Variants in CALN1 observed in about 807,000 individuals in gnomAD.
CALN1 encodes calneuron 1.
Under a neutral mutation model 30.6 loss-of-function variants are expected in CALN1, and 17 were observed. The observed-to-expected ratio is 0.56, with a 90% CI of 0.38 to 0.83. CALN1 has a LOEUF of 0.83. Ranked by LOEUF, CALN1 falls within the 40% of genes least tolerant of loss-of-function variation. The probability of loss-of-function intolerance (pLI) is 0.00; values close to 1 mark genes in which losing one functional copy is unlikely to be tolerated. For missense variants in CALN1, 291 were observed against 354.9 expected (o/e 0.82, Z 1.45); for synonymous variants, 156 against 131.4 (o/e 1.19, Z -1.28).
chr7:71,903,808 G>A (rs1793987810), intron 5 of CALN1, among the ~76,000 whole-genome samples: 1 of 152,112 alleles, frequency 6.6e-6, no homozygotes, highest in African/African-American at 2.4e-5. Flanking sequence ...CATCTGATAA[G>A]GGGTTAATAT....
chr7:72,376,872 A>C (rs1287758354), intron 2 of CALN1, among the ~76,000 whole-genome samples: 1 of 152,220 alleles, frequency 6.6e-6, no homozygotes, highest in African/African-American at 2.4e-5. Flanking sequence ...TATGTTATGA[A>C]GTAGGTATCC....
intron 5 of CALN1, among the ~76,000 whole-genome samples, chr7:71,904,798 T>C (rs140872016): frequency 1.3e-5 from 2 of 152,354 alleles, no homozygotes; most frequent in African/African-American, 4.8e-5. Context: ...ATGTTGCACA[T>C]GGTAAATACA....
chr7:72,073,711 C>A (rs558203141), intron 4 of CALN1, among the ~76,000 whole-genome samples: 50 of 146,758 alleles, frequency 3.4e-4, no homozygotes, highest in African/African-American at 1.2e-3. Context: ...CCTTCCTTTT[C>A]GGGACAGGAT....
intron 2 of CALN1, among the ~76,000 whole-genome samples, chr7:72,383,308 T>C (rs1008459236): frequency 3.9e-5 from 6 of 152,234 alleles, no homozygotes; most frequent in Non-Finnish European, 7.3e-5. Context: ...GAAAGGACAC[T>C]TCTGCTTTTA....
At chr7:72,426,142 C>T (rs943238936) in intron 1 of CALN1, among the ~76,000 whole-genome samples, 2 of 152,208 alleles carry the variant, frequency 1.3e-5, no homozygotes, top group African/African-American at 2.4e-5. Context: ...AATCCACTTA[C>T]CCCAGGGACT....
the CALN1 span, among the ~76,000 whole-genome samples, chr7:72,465,951 T>C: frequency 6.6e-6 from 1 of 151,790 alleles, no homozygotes; most frequent in Non-Finnish European, 1.5e-5. Context: ...CACGAGACAA[T>C]CCTGGGCTTG....
At chr7:72,014,085 C>CT (rs71092941) in intron 5 of CALN1, among the ~76,000 whole-genome samples, 8,500 of 123,350 alleles carry the variant, frequency 0.069, 371 homozygotes, top group Non-Finnish European at 0.089. Flanking sequence ...TGAGTTGGCT[C>CT]TTTTTTTTTT....
intron 3 of CALN1, among the ~76,000 whole-genome samples, chr7:72,265,479 C>T (rs1303279724): frequency 1.3e-5 from 2 of 152,150 alleles, no homozygotes; most frequent in African/African-American, 4.8e-5. Context: ...TTTTGGCAAA[C>T]TCCCTTCAGC....
rs1307688726 is a variant in CALN1, at chr7:71,785,630, G to C, written c.*2145C>G. The C allele has an allele frequency of 6.6e-6, 1 of 152,210 alleles. No individual in the cohort carries two copies. Among genetic ancestry groups the C allele is most frequent in the East Asian group, 1.9e-4 (1 of 5,184 alleles). 9.4% of individuals were successfully genotyped at this position (152,210 alleles called of 1,614,324 possible). On this transcript the variant is annotated 3_prime_UTR_variant, in exon 7 of 7. Transcript: ENST00000395275. ...TGGTTCGGGGGTCAGGGAAAAACAG[G>C]AAAGTATATCCCTTCAAGATCTGCT...
chr7:72,321,980 G>A (rs1290276897), intron 2 of CALN1, among the ~76,000 whole-genome samples: 1 of 152,218 alleles, frequency 6.6e-6, no homozygotes, highest in African/African-American at 2.4e-5. Context: ...TTTCGTGGAA[G>A]ACAGTTTTTC....
intron 4 of CALN1, among the ~76,000 whole-genome samples, chr7:72,038,815 A>T (rs182160921): frequency 2.0e-5 from 3 of 152,206 alleles, no homozygotes; most frequent in Non-Finnish European, 2.9e-5. Flanking sequence ...AAGTTACCCT[A>T]TAGGGTCTAA....
intron 2 of CALN1, among the ~76,000 whole-genome samples, chr7:72,286,831 T>C (rs1007873448): frequency 2.0e-5 from 3 of 152,212 alleles, no homozygotes; most frequent in African/African-American, 7.2e-5. Context: ...CAAAAGCCTA[T>C]TGCCAATAAT....
chr7:71,787,708 A>T lies in CALN1; in HGVS notation c.*67T>A. On this transcript the variant is annotated 3_prime_UTR_variant, in exon 7 of 7. Coordinates refer to ENST00000395275, the MANE Select transcript of CALN1 (RefSeq NM_031468.4). ...TAGGTCCGTGTCTGCTGTGTGGAGG[A>T]AGAGTCTGCCCGCACGGCATGCACA... 6.3e-7 allele frequency: 1 copy of T among 1,590,938 alleles called. No homozygotes were observed. Among genetic ancestry groups the T allele is most frequent in the Non-Finnish European group, 8.6e-7 (1 of 1,168,786 alleles).
the CALN1 span, among the ~76,000 whole-genome samples, chr7:72,475,919 C>T: frequency 2.1e-5 from 3 of 144,726 alleles, no homozygotes; most frequent in Admixed American, 6.9e-5. Context: ...CCTGAACATG[C>T]TCTCTCTCTC....
chr7:72,187,793 C>A (rs1435508440), intron 3 of CALN1, among the ~76,000 whole-genome samples: 1 of 152,170 alleles, frequency 6.6e-6, no homozygotes, highest in Non-Finnish European at 1.5e-5. Flanking sequence ...TATCACCTTA[C>A]TGGCTCTCTC....
rs75384057 is a variant in CALN1, at chr7:72,215,719, T to A, written c.244+62967A>T. ...GCTCCACACGGAGCTACTGCCTTCG[T>A]ACAGCAGCTGTGGATGGACCCAGCT... is the stretch of plus-strand genomic sequence containing the variant. On this transcript the variant is annotated intron_variant, in intron 3 of 6. Transcript: ENST00000395275. Among the ~76,000 whole-genome samples the A allele has an allele frequency of 2.7e-3, 409 of 152,144 alleles. 1 individual carries two copies. Among genetic ancestry groups the A allele is most frequent in the African/African-American group, 9.7e-3 (401 of 41,534 alleles).
At chr7:72,405,518 T>A (rs2129562326) in intron 1 of CALN1, among the ~76,000 whole-genome samples, 1 of 152,170 alleles carries the variant, frequency 6.6e-6, no homozygotes, top group Non-Finnish European at 1.5e-5. Flanking sequence ...CCCACGCAAC[T>A]TCACACAGCT....
intron 3 of CALN1, among the ~76,000 whole-genome samples, chr7:72,135,740 C>G (rs1404745488): frequency 1.3e-5 from 2 of 152,166 alleles, no homozygotes; most frequent in Non-Finnish European, 2.9e-5. Context: ...GCTGGACTGG[C>G]CCCTCACAAG....
At chr7:72,271,575 A>AAAAAAAATATATATATATAT in intron 3 of CALN1, among the ~76,000 whole-genome samples, 9 of 52,120 alleles carry the variant, frequency 1.7e-4, no homozygotes, top group Admixed American at 5.9e-4. Context: ...AAAAAAAAAA[A>AAAAAAAATATATATATATAT]ATATATATAT....
Sources: allele counts gnomAD v4.1 joint callset (sites outside exome capture counted in the v4.1 genomes callset), GRCh38; gene constraint gnomAD v4.1.1; transcripts MANE v1.5; gene names NCBI Gene and HGNC (gene_info 2026-07-23, HGNC 2026-07-21).